NRG3: variants seen among roughly 807,000 people sequenced by gnomAD.
NRG3 encodes the protein pro-neuregulin-3, membrane-bound isoform.
In NRG3, 31 loss-of-function variants were observed where a neutral mutation model predicts 66.9. That is an observed-to-expected ratio of 0.46 (90% CI 0.35 to 0.63). The LOEUF (loss-of-function observed/expected upper bound fraction) is 0.63. NRG3 is among the 20% of genes least tolerant of loss of function. The pLI is 0.00. For synonymous variants in NRG3, 393 were observed against 359.4 expected (o/e 1.09, Z -1.06); for missense variants, 910 against 878.9 (o/e 1.04, Z -0.45).
intron 1 of NRG3, among the ~76,000 whole-genome samples, chr10:82,299,965 TA>T (rs1264994714): frequency 6.6e-6 from 1 of 152,170 alleles, no homozygotes; most frequent in Non-Finnish European, 1.5e-5. Context: ...GTGTAAACTG[TA>T]AACCAGATTG....
intron 1 of NRG3, among the ~76,000 whole-genome samples, chr10:82,200,558 G>A (rs139586304): frequency 3.3e-5 from 5 of 152,138 alleles, no homozygotes; most frequent in South Asian, 2.1e-4. Context: ...TGGTGGCATC[G>A]ATGTCTAATA....
At chr10:82,028,908 C>CAT (rs2062438322) in intron 1 of NRG3, among the ~76,000 whole-genome samples, 1 of 151,982 alleles carries the variant, frequency 6.6e-6, no homozygotes, top group Admixed American at 6.6e-5. Flanking sequence ...GAAAAGTCAT[C>CAT]AGAATCAAAA....
At chr10:82,674,185 A>G (rs2053502418) in intron 2 of NRG3, among the ~76,000 whole-genome samples, 1 of 152,212 alleles carries the variant, frequency 6.6e-6, no homozygotes, top group Non-Finnish European at 1.5e-5. Context: ...GAATTGTGAC[A>G]GATATGCACA....
At chr10:81,950,961 A>G (rs575967780) in intron 1 of NRG3, among the ~76,000 whole-genome samples, 16 of 152,306 alleles carry the variant, frequency 1.1e-4, no homozygotes, top group Admixed American at 7.2e-4. Flanking sequence ...TTGAGAAAAA[A>G]AAAATTTAAA....
chr10:82,594,789 C>T (rs2047177709), intron 2 of NRG3, among the ~76,000 whole-genome samples: 1 of 151,104 alleles, frequency 6.6e-6, no homozygotes, highest in African/African-American at 2.4e-5. Context: ...TTTTTTTAGA[C>T]CCCTGCATGT....
intron 2 of NRG3, among the ~76,000 whole-genome samples, chr10:82,682,558 C>A (rs940720042): frequency 6.6e-6 from 1 of 152,100 alleles, no homozygotes; most frequent in African/African-American, 2.4e-5. Context: ...AGTTGAGTGA[C>A]CTTGTACAGT....
At chr10:82,130,734 T>C (rs546676984) in intron 1 of NRG3, among the ~76,000 whole-genome samples, 1 of 152,302 alleles carries the variant, frequency 6.6e-6, no homozygotes, top group Admixed American at 6.5e-5. Flanking sequence ...AAAGCCATTT[T>C]GACTGGGGTG....
At chr10:82,047,405 G>A (rs911970374) in intron 1 of NRG3, among the ~76,000 whole-genome samples, 3 of 152,194 alleles carry the variant, frequency 2.0e-5, no homozygotes, top group Admixed American at 1.3e-4. Context: ...GGATCTCTAG[G>A]CAGAACCTCT....
At chr10:81,943,961 A>G (rs1319477442) in intron 1 of NRG3, among the ~76,000 whole-genome samples, 2 of 152,190 alleles carry the variant, frequency 1.3e-5, no homozygotes, top group Admixed American at 6.6e-5. Flanking sequence ...GGGCTGTGAC[A>G]GCAAGAACGT....
At chr10:82,828,480 C>T (rs2062354036) in intron 3 of NRG3, among the ~76,000 whole-genome samples, 1 of 152,020 alleles carries the variant, frequency 6.6e-6, no homozygotes, top group Non-Finnish European at 1.5e-5. Flanking sequence ...GAGGCTATAC[C>T]TTACCTACTC....
chr10:82,170,498 A>G (rs2072486554), intron 1 of NRG3, among the ~76,000 whole-genome samples: 1 of 151,512 alleles, frequency 6.6e-6, no homozygotes, highest in Non-Finnish European at 1.5e-5. Flanking sequence ...ATGAAAATCC[A>G]TATGGTTCAC....
At chr10:82,226,589 A>C (rs1379918878) in intron 1 of NRG3, among the ~76,000 whole-genome samples, 2 of 152,182 alleles carry the variant, frequency 1.3e-5, no homozygotes, top group African/African-American at 4.8e-5. Context: ...TGTGAGGATA[A>C]TTATTAGCAG....
intron 1 of NRG3, among the ~76,000 whole-genome samples, chr10:81,987,641 G>A (rs79283533): frequency 0.015 from 2,347 of 152,252 alleles, 60 homozygotes; most frequent in African/African-American, 0.053. Flanking sequence ...TAAGAGCATC[G>A]TTGATCAATA....
At position 82,849,474 on chromosome 10, in the gene NRG3, T is replaced by G. The variant is rs79881594; in HGVS notation, c.1028-15937T>G. Among the ~76,000 whole-genome samples, 1,437 of 152,196 alleles carry G rather than the reference T, an allele frequency of 9.4e-3. 14 individuals carry two copies. The highest frequency in any genetic ancestry group is 0.02 in the Admixed American group (309 of 15,290). On this transcript the variant is annotated intron_variant, in intron 3 of 8. Transcript: ENST00000372141. The stretch of plus-strand genomic sequence containing the variant: ...TGCCTCACAGAGCTTTACATTCTAG[T>G]GTGGAGCAGAAAAGGAAATAGAAAA...
intron 1 of NRG3, among the ~76,000 whole-genome samples, chr10:82,309,284 T>C (rs2080900980): frequency 6.6e-6 from 1 of 152,152 alleles, no homozygotes; most frequent in East Asian, 1.9e-4. Flanking sequence ...GAAGAACTAG[T>C]GAAAAATTAA....
chr10:82,189,650 T>TGTG (rs1302416620), intron 1 of NRG3, among the ~76,000 whole-genome samples: 1 of 151,990 alleles, frequency 6.6e-6, no homozygotes, highest in Non-Finnish European at 1.5e-5. Context: ...ATTAGCCAGG[T>TGTG]GTGGCGGCAT....
At chr10:82,861,856 T>G (rs1247909756) in intron 3 of NRG3, among the ~76,000 whole-genome samples, 1 of 152,242 alleles carries the variant, frequency 6.6e-6, no homozygotes, top group Non-Finnish European at 1.5e-5. Context: ...GTTTCCTTCC[T>G]GCAACCTCCT....
intron 1 of NRG3, among the ~76,000 whole-genome samples, chr10:82,350,992 C>T (rs891380529): frequency 5.3e-5 from 8 of 151,834 alleles, no homozygotes; most frequent in South Asian, 2.1e-4. Context: ...CCTGGGTTCA[C>T]GCCATTCTCC....
intron 1 of NRG3, among the ~76,000 whole-genome samples, chr10:81,982,756 A>G (rs2060378152): frequency 6.6e-6 from 1 of 152,206 alleles, no homozygotes; most frequent in African/African-American, 2.4e-5. Flanking sequence ...GGCCCACCCT[A>G]AGAGCCTCAT....
Sources: allele counts gnomAD v4.1 joint callset (sites outside exome capture counted in the v4.1 genomes callset), GRCh38; gene constraint gnomAD v4.1.1; transcripts MANE v1.5; gene names NCBI Gene and HGNC (gene_info 2026-07-23, HGNC 2026-07-21).